The following MCCC1 variants were observed in gnomAD, a reference collection of about 807,000 sequenced individuals.
MCCC1 encodes the protein methylcrotonyl-CoA carboxylase subunit 1.
In MCCC1, 64 loss-of-function variants were observed where a neutral mutation model predicts 83.8. The observed-to-expected ratio is 0.76, with a 90% CI of 0.62 to 0.94. MCCC1 has a LOEUF of 0.94. Among genes scored for constraint, MCCC1 ranks in the 40% least tolerant of loss-of-function variants. The probability of loss-of-function intolerance (pLI) is 0.00; values close to 1 mark genes in which losing one functional copy is unlikely to be tolerated. For synonymous variants in MCCC1, 322 were observed against 315.4 expected, an observed-to-expected ratio of 1.02 and a Z score of -0.22; for missense variants, 807 against 904.7, an observed-to-expected ratio of 0.89 and a Z score of 1.39.
At chr3:183,065,690 C>G (rs1191832655) in intron 7 of MCCC1, among the ~76,000 whole-genome samples, 1 of 151,812 alleles carries the variant, frequency 6.6e-6, no homozygotes, top group Admixed American at 6.6e-5. Context: ...TAAGATAATG[C>G]TTAAGGTTTA....
chr3:183,018,665 T>A (rs185000143), intron 17 of MCCC1, among the ~76,000 whole-genome samples: 1 of 152,336 alleles, frequency 6.6e-6, no homozygotes, highest in Admixed American at 6.5e-5. Context: ...ATCCTTTCAT[T>A]TTTTTCAAGA....
chr3:183,058,076 C>T (rs1715555787), intron 7 of MCCC1, among the ~76,000 whole-genome samples: 2 of 152,054 alleles, frequency 1.3e-5, no homozygotes, highest in African/African-American at 4.8e-5. Context: ...ACAAAAAGTA[C>T]AAACTGTCAA....
chr3:183,114,505 T>C (rs1719556887), intron 1 of MCCC1, among the ~76,000 whole-genome samples: 1 of 152,232 alleles, frequency 6.6e-6, no homozygotes, highest in Admixed American at 6.5e-5. Flanking sequence ...GGAAGCCATC[T>C]GGTGTCCACT....
chr3:183,047,915 G>T (rs1560231454), intron 9 of MCCC1, among the ~76,000 whole-genome samples: 1 of 152,184 alleles, frequency 6.6e-6, no homozygotes, highest in African/African-American at 2.4e-5. Context: ...AGTAATATTT[G>T]AAACAATAAT....
Position 183,034,074 on chromosome 3 carries a change from T to C in MCCC1, c.1598A>G (p.Gln533Arg). ...TDTFTLQAHD[Q>R]FSPFSSSSGR... is the part of the protein sequence containing the mutation. ...ACTGCTAGACGAAAATGGAGAGAATTGATCTAGAAAAAATTTAAAATTCAG... is the reference window on the plus strand; with the variant it reads ...ACTGCTAGACGAAAATGGAGAGAATCGATCTAGAAAAAATTTAAAATTCAG... The change falls in exon 14 of 19, where the codon CAA (glutamine) becomes CGA (arginine). Residue 533 changes from glutamine (Q) to arginine (R), a missense_variant. Transcript: ENST00000265594. 1 of 1,606,168 alleles carries C rather than the reference T, an allele frequency of 6.2e-7. No individual in the cohort carries two copies. Among genetic ancestry groups the C allele is most frequent in the Non-Finnish European group, 8.5e-7 (1 of 1,174,232 alleles).
intron 7 of MCCC1, among the ~76,000 whole-genome samples, chr3:183,060,010 T>C (rs1448020913): frequency 1.3e-5 from 2 of 152,202 alleles, no homozygotes; most frequent in African/African-American, 4.8e-5. Context: ...GGTTCTGTAG[T>C]TTTGCATCTG....
At chr3:183,114,388 C>T (rs1719554374) in intron 1 of MCCC1, among the ~76,000 whole-genome samples, 1 of 152,032 alleles carries the variant, frequency 6.6e-6, no homozygotes, top group Admixed American at 6.6e-5. Flanking sequence ...CGGTCGCTGG[C>T]TAATAAAGGA....
chr3:183,020,534 G>A (rs1437213515), intron 16 of MCCC1, among the ~76,000 whole-genome samples: 1 of 151,996 alleles, frequency 6.6e-6, no homozygotes, highest in Non-Finnish European at 1.5e-5. Context: ...TGGGAACTGA[G>A]GCAGGAGGCT....
chr3:183,039,376 A>T (rs1713884365), intron 11 of MCCC1, among the ~76,000 whole-genome samples: 1 of 152,160 alleles, frequency 6.6e-6, no homozygotes, highest in Non-Finnish European at 1.5e-5. Flanking sequence ...AATGGCACAC[A>T]AGCTGGCTTT....
intron 3 of MCCC1, among the ~76,000 whole-genome samples, chr3:183,089,398 A>G (rs568634939): frequency 3.3e-5 from 5 of 152,208 alleles, no homozygotes; most frequent in South Asian, 2.1e-4. Context: ...TTATGCCTAT[A>G]ATCCCTATAA....
intron 16 of MCCC1, 122 bp downstream of exon 16, chr3:183,022,295 G>T: frequency 8.3e-7 from 1 of 1,204,172 alleles, no homozygotes; most frequent in Non-Finnish European, 1.2e-6. Context: ...GAAACTGAGG[G>T]AAAAAGGTCA....
In MCCC1 at chr3:183,037,193, G is replaced by A. The variant is rs766437838; in HGVS notation, c.1594+25C>T. The A allele has an allele frequency of 1.2e-5, 19 of 1,609,404 alleles. No individual in the cohort carries two copies. In the East Asian group the frequency reaches 3.6e-4, roughly 30 times the overall value. On this transcript the variant is annotated intron_variant, in intron 13 of 18. Transcript: ENST00000265594. ...GATGATTTGCAAAACTTGACAAGCAGAGGAAAGAGAAAAGCCTTCCATACC... is the reference window on the plus strand; with the variant it reads ...GATGATTTGCAAAACTTGACAAGCAAAGGAAAGAGAAAAGCCTTCCATACC...
intron 14 of MCCC1, among the ~76,000 whole-genome samples, chr3:183,029,794 T>C (rs979288360): frequency 6.6e-6 from 1 of 152,150 alleles, no homozygotes; most frequent in South Asian, 2.1e-4. Context: ...CCATTCCTAC[T>C]GCTCTACCCT....
At chr3:183,016,709 C>T (rs570828162) in intron 18 of MCCC1, among the ~76,000 whole-genome samples, 3 of 152,318 alleles carry the variant, frequency 2.0e-5, no homozygotes, top group Non-Finnish European at 4.4e-5. Flanking sequence ...TGGTTTTGCA[C>T]CATTGTCAAG....
In MCCC1 at chr3:183,097,896, A is replaced by G. The variant is rs994404638; in HGVS notation, c.89+1456T>C. On this transcript the variant is annotated intron_variant, in intron 1 of 18. Coordinates refer to ENST00000265594, the MANE Select transcript of MCCC1 (RefSeq NM_020166.5). ...AACAAGAAGAACATTAACATTACTT[A>G]CACCAACTTTTTTTTTTATTTTTTT... Among the ~76,000 whole-genome samples the G allele has an allele frequency of 2.0e-5, 3 of 152,050 alleles. No homozygotes were observed. The South Asian group carries it at 6.2e-4, about 31-fold the overall frequency.
chr3:183,020,025 T>C, intron 17 of MCCC1, 105 bp downstream of exon 17: 1 of 859,044 alleles, frequency 1.2e-6, no homozygotes, highest in South Asian at 1.4e-5. Context: ...GTGGATGCTT[T>C]CCAATGAGCA....
intron 1 of MCCC1, among the ~76,000 whole-genome samples, chr3:183,110,118 T>G (rs1329313481): frequency 6.6e-6 from 1 of 152,218 alleles, no homozygotes; most frequent in Non-Finnish European, 1.5e-5. Context: ...CTAGTTTAAT[T>G]AAGTTCCCTA....
intron 4 of MCCC1, among the ~76,000 whole-genome samples, chr3:183,076,323 A>T (rs78422770): frequency 0.028 from 4,236 of 152,242 alleles, 210 homozygotes; most frequent in African/African-American, 0.097. Context: ...AACTTCACAT[A>T]ATTTTTCAAG....
intron 10 of MCCC1, among the ~76,000 whole-genome samples, chr3:183,044,102 G>A (rs1484088939): frequency 1.3e-5 from 2 of 152,126 alleles, no homozygotes; most frequent in African/African-American, 4.8e-5. Flanking sequence ...ATTATCTACA[G>A]AAGTTCTGAA....
Sources: gnomAD v4.1 joint callset for allele counts (sites outside exome capture counted in the v4.1 genomes callset) on GRCh38, gnomAD v4.1.1 for gene constraint, MANE v1.5 for transcripts, NCBI Gene and HGNC (gene_info 2026-07-23, HGNC 2026-07-21) for gene names.